RGSL1: variants seen among roughly 807,000 people sequenced by gnomAD.
RGSL1 encodes the protein regulator of G protein signaling protein-like.
Under a neutral mutation model 124.7 loss-of-function variants are expected in RGSL1, and 97 were observed. The ratio of observed to expected loss-of-function variants is 0.78; its 90% CI spans 0.66 to 0.92. The LOEUF is 0.92. Among genes scored for constraint, RGSL1 ranks in the 40% least tolerant of loss-of-function variants. The pLI, the probability that RGSL1 is intolerant of heterozygous loss-of-function variation, is 0.00. For synonymous variants in RGSL1, 424 were observed against 438.1 expected, an observed-to-expected ratio of 0.97 and a Z score of 0.40; for missense variants, 1,233 against 1,288.4, an observed-to-expected ratio of 0.96 and a Z score of 0.66.
chr1:182,554,837 C>T, intron 20 of RGSL1, 144 bp downstream of exon 20: 1 of 772,296 alleles, frequency 1.3e-6, no homozygotes, highest in Admixed American at 2.4e-5. Flanking sequence ...AGCTTGCTGC[C>T]TCTGGTGGGA....
intron 9 of RGSL1, among the ~76,000 whole-genome samples, chr1:182,501,189 T>C (rs1656326629): frequency 1.3e-5 from 2 of 152,012 alleles, no homozygotes; most frequent in East Asian, 1.9e-4. Flanking sequence ...ATTTTTATGA[T>C]GAAAGAATGT....
intron 4 of RGSL1, among the ~76,000 whole-genome samples, chr1:182,471,036 CTT>C (rs1186640687): frequency 1.3e-5 from 2 of 152,122 alleles, no homozygotes; most frequent in Admixed American, 1.3e-4. Flanking sequence ...AGGGAAGGGG[CTT>C]TGGTTGGAGG....
At position 182,530,257 on chromosome 1, in the gene RGSL1, G is replaced by C; in HGVS notation, c.2139G>C (p.Gln713His). 6.4e-7 allele frequency: 1 copy of C among 1,550,532 alleles called. No individual in the cohort carries two copies. Among genetic ancestry groups the C allele is most frequent in the Non-Finnish European group, 8.7e-7 (1 of 1,146,204 alleles). The change falls in exon 12 of 22, where the codon CAG becomes CAC. Residue 713 changes from glutamine (Q) to histidine (H), a missense_variant. Transcript: ENST00000294854. ...TGCATTTTCTAGAAGAAATGCTGCA[G>C]TGTGATGCCCCTATTATCAAAGAAA... ...QGQLSPEEMLQCDAPIIKEIA... is the reference protein window; with the variant it reads ...QGQLSPEEMLHCDAPIIKEIA...
intron 10 of RGSL1, among the ~76,000 whole-genome samples, chr1:182,526,741 A>T (rs915259992): frequency 6.6e-6 from 1 of 152,212 alleles, no homozygotes; most frequent in Non-Finnish European, 1.5e-5. Context: ...AATTCACATG[A>T]TTATCTCAAT....
chr1:182,450,202 C>G, intron 1 of RGSL1, 24 bp downstream of exon 1: 1 of 1,551,998 alleles, frequency 6.4e-7, no homozygotes, highest in East Asian at 2.4e-5. Context: ...AGGGATGTCT[C>G]CAAGGCCTTG....
chr1:182,521,825 G>A (rs515935), intron 9 of RGSL1, among the ~76,000 whole-genome samples, 179 bp from the exon 10 acceptor site: 131,562 of 152,168 alleles, frequency 0.86, 57,191 homozygotes, highest in Non-Finnish European at 0.89. Context: ...TTCATGTCAG[G>A]GGTATCAGTC....
At chr1:182,472,321 T>C (rs562302045) in intron 4 of RGSL1, 75 bp from the exon 5 acceptor site, 5 of 1,371,926 alleles carry the variant, frequency 3.6e-6, no homozygotes, top group Middle Eastern at 2.0e-4. Flanking sequence ...GGGATGTCAG[T>C]TGATTCACCC....
At chr1:182,552,380 C>T (rs765992655) in intron 18 of RGSL1, among the ~76,000 whole-genome samples, 25 of 152,264 alleles carry the variant, frequency 1.6e-4, no homozygotes, top group Admixed American at 5.2e-4. Context: ...TCCCAAAGTG[C>T]TGGGATTACA....
chr1:182,501,300 T>C (rs56086963), intron 9 of RGSL1, among the ~76,000 whole-genome samples: 103 of 126,848 alleles, frequency 8.1e-4, no homozygotes, highest in Middle Eastern at 4.0e-3. Flanking sequence ...CTTTTCTTTT[T>C]TCTTTTCTTT....
intron 4 of RGSL1, among the ~76,000 whole-genome samples, chr1:182,463,019 C>T (rs760083793): frequency 4.7e-4 from 71 of 152,098 alleles, no homozygotes; most frequent in African/African-American, 5.1e-4. Flanking sequence ...TCAGGCTGGG[C>T]GTGGTGGCTC....
chr1:182,480,497 C>T (rs893972072), intron 6 of RGSL1, among the ~76,000 whole-genome samples: 1 of 151,602 alleles, frequency 6.6e-6, no homozygotes, highest in Non-Finnish European at 1.5e-5. Flanking sequence ...GCTCTGTCAC[C>T]CAGGCTGGAG....
intron 2 of RGSL1, among the ~76,000 whole-genome samples, 182 bp from the exon 3 acceptor site, chr1:182,458,137 T>C (rs1003963919): frequency 6.6e-6 from 1 of 152,238 alleles, no homozygotes; most frequent in African/African-American, 2.4e-5. Context: ...CAATTCAGTC[T>C]GTTTAGAGCT....
chr1:182,527,428 T>G, intron 10 of RGSL1, 151 bp from the exon 11 acceptor site: 1 of 603,738 alleles, frequency 1.7e-6, no homozygotes, highest in Non-Finnish European at 2.9e-6. Context: ...ACCAAAGAAA[T>G]AGACAGATTT....
chr1:182,558,054 A>AGAAGGAAGGAAGGAAG (rs111778820), intron 21 of RGSL1, among the ~76,000 whole-genome samples: 9 of 151,434 alleles, frequency 5.9e-5, no homozygotes, highest in South Asian at 4.2e-4. Context: ...AGGAATAAAA[A>AGAAGGAAGGAAGGAAG]GAAGGAAGGA....
chr1:182,501,266 C>CTCTT (rs150226261), intron 9 of RGSL1, among the ~76,000 whole-genome samples: 113,064 of 133,914 alleles, frequency 0.84, 47,951 homozygotes, highest in African/African-American at 0.87. Context: ...CTCTCTTTCT[C>CTCTT]TCTTTCTTTC....
chr1:182,527,532 A>G, intron 10 of RGSL1, 47 bp from the exon 11 acceptor site: 1 of 1,463,358 alleles, frequency 6.8e-7, no homozygotes, highest in Non-Finnish European at 9.2e-7. Context: ...CAGAATCCAG[A>G]ATCATCATTC....
At chr1:182,470,011 G>A (rs1308397993) in intron 4 of RGSL1, among the ~76,000 whole-genome samples, 3 of 151,924 alleles carry the variant, frequency 2.0e-5, no homozygotes, top group South Asian at 2.1e-4. Context: ...GAGGAGGGGG[G>A]AAATAGGCAG....
chr1:182,488,297 T>C lies in RGSL1; in HGVS notation c.1444T>C (p.Trp482Arg), dbSNP rs1391502243. 5 of 1,552,268 alleles carry C rather than the reference T, an allele frequency of 3.2e-6. No individual in the cohort carries two copies. In the South Asian group the frequency reaches 4.8e-5, roughly 15 times the overall value. ...GTTTGGTTTTCAGATGCTCAGTCCC[T>C]GGTATGATGAGTTTCTAGATGAAGA... is the stretch of plus-strand genomic sequence containing the variant. ...QKEICKMLSP[W>R]YDEFLDEEDY... Residue 482 changes from tryptophan to arginine, a missense_variant, in exon 7 of 22, where the codon TGG (tryptophan) becomes CGG (arginine). Transcript: ENST00000294854.
rs564353364 is a variant in RGSL1 at position 182,469,172 on chromosome 1, TA to T, written c.302-3218del. ...AGCAACAACAAAGAATTGGGCTTCATAAAAAATCAAAAAACTTGTGCATCAA... is the reference window on the plus strand; with the variant it reads ...AGCAACAACAAAGAATTGGGCTTCATAAAAATCAAAAAACTTGTGCATCAA... On this transcript the variant is annotated intron_variant, in intron 4 of 21. Coordinates refer to ENST00000294854, the MANE Select transcript of RGSL1 (RefSeq NM_001137669.2). 4.3e-3 allele frequency among the ~76,000 whole-genome samples: 655 copies of T among 151,992 alleles called. 4 individuals carry two copies. Among genetic ancestry groups the T allele is most frequent in the Non-Finnish European group, 8.2e-3 (559 of 67,952 alleles).
Sources: allele counts gnomAD v4.1 joint callset (sites outside exome capture counted in the v4.1 genomes callset), GRCh38; gene constraint gnomAD v4.1.1; transcripts MANE v1.5; gene names NCBI Gene and HGNC (gene_info 2026-07-23, HGNC 2026-07-21).